The following PDSS2 variants were observed in gnomAD, a reference collection of about 807,000 sequenced individuals.
PDSS2 encodes the protein decaprenyl diphosphate synthase subunit 2.
In PDSS2, 31 loss-of-function variants were observed where a neutral mutation model predicts 44.5. The ratio of observed to expected loss-of-function variants is 0.70; its 90% confidence interval spans 0.52 to 0.94. The LOEUF (loss-of-function observed/expected upper bound fraction) is 0.94, where lower values mean the gene tolerates loss of function less well. PDSS2 is among the 40% of genes least tolerant of loss of function. PDSS2 has a pLI of 0.00. For missense variants in PDSS2, 452 were observed against 482.2 expected (o/e 0.94, Z 0.59); for synonymous variants, 157 against 180.3 (o/e 0.87, Z 1.03).
chr6:107,287,966 G>C (rs1257897375), intron 2 of PDSS2, among the ~76,000 whole-genome samples: 1 of 152,110 alleles, frequency 6.6e-6, no homozygotes, highest in African/African-American at 2.4e-5. Context: ...CTGCATTCCA[G>C]CCTGAGCGAC....
At chr6:107,389,866 C>T (rs319112) in intron 1 of PDSS2, among the ~76,000 whole-genome samples, 109,115 of 151,296 alleles carry the variant, frequency 0.72, 39,780 homozygotes, top group Middle Eastern at 0.79. Flanking sequence ...GAAATGGCTA[C>T]TTCTATGATT....
intron 6 of PDSS2, among the ~76,000 whole-genome samples, chr6:107,209,243 A>G (rs1245731730): frequency 6.6e-6 from 1 of 152,128 alleles, no homozygotes. Flanking sequence ...TCAAATGCCC[A>G]GTGGTCCTCT....
At chr6:107,270,175 C>T (rs546917637) in intron 3 of PDSS2, among the ~76,000 whole-genome samples, 1 of 152,158 alleles carries the variant, frequency 6.6e-6, no homozygotes, top group African/African-American at 2.4e-5. Context: ...ATGGCGTGAT[C>T]TTGGCTCACT....
intron 7 of PDSS2, among the ~76,000 whole-genome samples, chr6:107,189,096 G>A (rs1012718573): frequency 3.9e-5 from 6 of 152,068 alleles, no homozygotes; most frequent in African/African-American, 7.2e-5. Context: ...TTTTTAGCAC[G>A]GAGTGCAGTG....
intron 4 of PDSS2, among the ~76,000 whole-genome samples, chr6:107,222,616 C>T (rs189500389): frequency 0.015 from 2,207 of 147,438 alleles, 33 homozygotes; most frequent in Non-Finnish European, 0.022. Flanking sequence ...GATGGTGCCA[C>T]TGCACTCCAG....
At chr6:107,426,876 G>A (rs1295921179) in intron 1 of PDSS2, among the ~76,000 whole-genome samples, 2 of 152,144 alleles carry the variant, frequency 1.3e-5, no homozygotes, top group Non-Finnish European at 2.9e-5. Context: ...TATCTGGGAA[G>A]TAACTTTCTT....
intron 2 of PDSS2, among the ~76,000 whole-genome samples, chr6:107,310,284 C>CAAAAA (rs58991885): frequency 1.1e-5 from 1 of 90,266 alleles, no homozygotes. Context: ...GACTCCATCC[C>CAAAAA]AAAAAAAAAA....
chr6:107,284,078 G>A (rs1776059622), intron 2 of PDSS2, among the ~76,000 whole-genome samples: 2 of 150,616 alleles, frequency 1.3e-5, no homozygotes, highest in South Asian at 2.1e-4. Flanking sequence ...AATAAAATAG[G>A]AGAAGAATTG....
intron 1 of PDSS2, among the ~76,000 whole-genome samples, chr6:107,345,086 C>T (rs187027604): frequency 3.8e-4 from 58 of 151,958 alleles, no homozygotes; most frequent in Middle Eastern, 3.4e-3. Context: ...TTACACTACA[C>T]AACACACAAG....
chr6:107,240,726 T>A (rs12205346), intron 4 of PDSS2, among the ~76,000 whole-genome samples: 31,662 of 146,378 alleles, frequency 0.22, 3,481 homozygotes, highest in South Asian at 0.27. Flanking sequence ...AATAAAAATT[T>A]AAAAAAAAAA....
intron 7 of PDSS2, among the ~76,000 whole-genome samples, chr6:107,159,329 G>GAGGA (rs1255465833): frequency 2.2e-5 from 3 of 134,392 alleles, no homozygotes; most frequent in South Asian, 5.6e-4. Context: ...GGGAGGGAAG[G>GAGGA]AGGAAGGAAG....
intron 1 of PDSS2, among the ~76,000 whole-genome samples, chr6:107,335,488 G>A (rs1274054333): frequency 6.6e-6 from 1 of 152,180 alleles, no homozygotes. Flanking sequence ...AATTTGATAA[G>A]TAAATGAAAG....
intron 6 of PDSS2, 27 bp downstream of exon 6, chr6:107,210,412 C>T (rs765694497): frequency 2.6e-6 from 4 of 1,551,486 alleles, no homozygotes; most frequent in African/African-American, 1.4e-5. Context: ...ACTACTGGTA[C>T]CTAAAACAGG....
intron 6 of PDSS2, among the ~76,000 whole-genome samples, chr6:107,194,529 A>T (rs148925674): frequency 6.6e-6 from 1 of 152,272 alleles, no homozygotes; most frequent in Non-Finnish European, 1.5e-5. Flanking sequence ...TTGTAAACTG[A>T]AAGTTGGGTC....
chr6:107,364,655 TG>T (rs1178836001), intron 1 of PDSS2, among the ~76,000 whole-genome samples: 1 of 151,742 alleles, frequency 6.6e-6, no homozygotes, highest in Non-Finnish European at 1.5e-5. Context: ...GCTGAGGGAG[TG>T]GGCTCCAGCC....
At chr6:107,211,587 A>G (rs1241094990) in intron 5 of PDSS2, among the ~76,000 whole-genome samples, 2 of 151,908 alleles carry the variant, frequency 1.3e-5, no homozygotes, top group Non-Finnish European at 2.9e-5. Context: ...AAAATTAGCC[A>G]GGCGTGGTGG....
At chr6:107,301,778 A>G (rs1776702312) in intron 2 of PDSS2, among the ~76,000 whole-genome samples, 1 of 152,056 alleles carries the variant, frequency 6.6e-6, no homozygotes, top group Non-Finnish European at 1.5e-5. Context: ...CTTGACCAAC[A>G]TGGTGAAACC....
intron 1 of PDSS2, among the ~76,000 whole-genome samples, chr6:107,368,893 G>T (rs1779044228): frequency 6.6e-6 from 1 of 152,184 alleles, no homozygotes; most frequent in Non-Finnish European, 1.5e-5. Context: ...AACAAAATTA[G>T]AGGACTTGTA....
intron 1 of PDSS2, among the ~76,000 whole-genome samples, chr6:107,335,977 A>G (rs1040503158): frequency 2.6e-5 from 3 of 115,548 alleles, no homozygotes; most frequent in Non-Finnish European, 4.9e-5. Flanking sequence ...CTTAAGAAAA[A>G]TCTTGGTTGG....
Sources: allele counts gnomAD v4.1 joint callset (sites outside exome capture counted in the v4.1 genomes callset), GRCh38; gene constraint gnomAD v4.1.1; transcripts MANE v1.5; gene names NCBI Gene and HGNC (gene_info 2026-07-23, HGNC 2026-07-21).